The following KCNB2 variants were observed in gnomAD, a reference collection of about 807,000 sequenced individuals.
KCNB2 encodes the protein delayed rectifier potassium channel protein.
In KCNB2, 15 loss-of-function variants were observed where a neutral mutation model predicts 61.5. The ratio of observed to expected loss-of-function variants is 0.24; its 90% CI spans 0.16 to 0.38. The LOEUF is 0.38. Ranked by LOEUF, KCNB2 falls within the 10% of genes least tolerant of loss-of-function variation. The pLI is 1.00. For missense variants in KCNB2, 828 were observed against 1,125.2 expected (o/e 0.74, Z 3.78); for synonymous variants, 457 against 446.0 (o/e 1.02, Z -0.31).
At chr8:72,914,879 G>A (rs1281914004) in intron 2 of KCNB2, among the ~76,000 whole-genome samples, 3 of 151,894 alleles carry the variant, frequency 2.0e-5, no homozygotes, top group Non-Finnish European at 4.4e-5. Context: ...TAATCCAGCA[G>A]GAAAGATAAG....
intron 2 of KCNB2, among the ~76,000 whole-genome samples, chr8:72,720,807 A>G (rs1288340365): frequency 2.6e-5 from 4 of 152,218 alleles, no homozygotes; most frequent in Non-Finnish European, 5.9e-5. Context: ...ACTCAATCTC[A>G]ATAACATATG....
intron 2 of KCNB2, among the ~76,000 whole-genome samples, chr8:72,788,208 A>G (rs1362459140): frequency 6.6e-6 from 1 of 152,150 alleles, no homozygotes; most frequent in Non-Finnish European, 1.5e-5. Flanking sequence ...TGGCCTGCAT[A>G]ACAAAATACC....
At chr8:72,789,469 T>C (rs1808899575) in intron 2 of KCNB2, among the ~76,000 whole-genome samples, 1 of 152,084 alleles carries the variant, frequency 6.6e-6, no homozygotes, top group African/African-American at 2.4e-5. Flanking sequence ...CAGAAGACAT[T>C]ACTGTTGAGC....
At chr8:72,793,060 C>T (rs932443385) in intron 2 of KCNB2, among the ~76,000 whole-genome samples, 48 of 152,294 alleles carry the variant, frequency 3.2e-4, no homozygotes, top group African/African-American at 1.1e-3. Context: ...TGTTAAGCAA[C>T]TAAAATGTCC....
chr8:72,707,378 A>C (rs1807243577), intron 2 of KCNB2, among the ~76,000 whole-genome samples: 1 of 152,112 alleles, frequency 6.6e-6, no homozygotes, highest in South Asian at 2.1e-4. Context: ...GAACCTCCTA[A>C]TTGTCCCCAT....
At chr8:72,672,795 A>G (rs898035778) in intron 2 of KCNB2, among the ~76,000 whole-genome samples, 2 of 152,192 alleles carry the variant, frequency 1.3e-5, no homozygotes, top group Non-Finnish European at 2.9e-5. Flanking sequence ...ATGACCATTA[A>G]AAACAATTCA....
At chr8:72,926,617 A>G (rs528119335) in intron 2 of KCNB2, among the ~76,000 whole-genome samples, 1 of 152,254 alleles carries the variant, frequency 6.6e-6, no homozygotes, top group Non-Finnish European at 1.5e-5. Context: ...ATAAATGATG[A>G]TTTAAGTCAA....
intron 2 of KCNB2, among the ~76,000 whole-genome samples, chr8:72,765,866 G>A (rs1035260663): frequency 6.6e-6 from 1 of 152,198 alleles, no homozygotes; most frequent in African/African-American, 2.4e-5. Context: ...ACAAAGTGAT[G>A]TTGATTGCTG....
At chr8:72,657,804 C>T (rs1806315406) in intron 2 of KCNB2, among the ~76,000 whole-genome samples, 1 of 151,948 alleles carries the variant, frequency 6.6e-6, no homozygotes, top group Admixed American at 6.6e-5. Context: ...TAAGATGTAA[C>T]CACTAATAAA....
intron 1 of KCNB2, among the ~76,000 whole-genome samples, chr8:72,538,935 T>C (rs775446997): frequency 6.6e-6 from 1 of 152,216 alleles, no homozygotes; most frequent in African/African-American, 2.4e-5. Flanking sequence ...AAGCGAGAGA[T>C]AGATTTCGGT....
At chr8:72,711,489 G>A (rs1807325649) in intron 2 of KCNB2, among the ~76,000 whole-genome samples, 3 of 152,172 alleles carry the variant, frequency 2.0e-5, no homozygotes, top group African/African-American at 4.8e-5. Context: ...CTGCAATAAA[G>A]GATACACAAG....
rs534988060 is a variant in KCNB2, at chr8:72,796,769, G to A, written c.580-139166G>A. On this transcript the variant is annotated intron_variant, in intron 2 of 2. Transcript: ENST00000523207. ...ATAAATAAGCCAAACAAATATTTTC[G>A]ATCTTATAGTAGCTAAAATAATTGT... Among the ~76,000 whole-genome samples the A allele has an allele frequency of 9.2e-5, 14 of 152,168 alleles. No homozygotes were observed. The South Asian group carries it at 2.9e-3, about 32-fold the overall frequency.
At chr8:72,893,426 T>A (rs1805933848) in intron 2 of KCNB2, among the ~76,000 whole-genome samples, 1 of 152,326 alleles carries the variant, frequency 6.6e-6, no homozygotes, top group Middle Eastern at 3.4e-3. Flanking sequence ...CTGGGACTTC[T>A]ACCTATTTTA....
At chr8:72,626,437 G>A (rs1433600662) in intron 2 of KCNB2, among the ~76,000 whole-genome samples, 1 of 152,210 alleles carries the variant, frequency 6.6e-6, no homozygotes, top group African/African-American at 2.4e-5. Context: ...CAGCTTATAT[G>A]TGCAATGTGT....
intron 2 of KCNB2, among the ~76,000 whole-genome samples, chr8:72,841,372 CT>C (rs769263287): frequency 1.2e-4 from 4 of 34,258 alleles, no homozygotes; most frequent in South Asian, 1.6e-3. Flanking sequence ...TTTTTTTTTT[CT>C]TTTTTTTTTT....
intron 2 of KCNB2, among the ~76,000 whole-genome samples, chr8:72,808,377 G>A (rs565280040): frequency 5.6e-4 from 85 of 152,100 alleles, no homozygotes; most frequent in African/African-American, 2.0e-3. Context: ...GACAACATAC[G>A]AATGAACTAC....
intron 2 of KCNB2, among the ~76,000 whole-genome samples, chr8:72,592,573 A>T (rs564540514): frequency 6.6e-6 from 1 of 152,202 alleles, no homozygotes; most frequent in South Asian, 2.1e-4. Context: ...TGGCCACATG[A>T]TATACATTGG....
chr8:72,721,475 G>T (rs772437724), intron 2 of KCNB2, among the ~76,000 whole-genome samples: 10 of 152,176 alleles, frequency 6.6e-5, no homozygotes, highest in Non-Finnish European at 1.0e-4. Flanking sequence ...TTACATCTCT[G>T]CTACCTAAAA....
At chr8:72,719,413 G>A (rs1056367903) in intron 2 of KCNB2, among the ~76,000 whole-genome samples, 4 of 152,138 alleles carry the variant, frequency 2.6e-5, no homozygotes, top group African/African-American at 9.7e-5. Context: ...ATCTTTTAAT[G>A]TACAGAGAAT....
Sources: gnomAD v4.1 joint callset for allele counts (sites outside exome capture counted in the v4.1 genomes callset) on GRCh38, gnomAD v4.1.1 for gene constraint, MANE v1.5 for transcripts, NCBI Gene and HGNC (gene_info 2026-07-23, HGNC 2026-07-21) for gene names.